The following CUX2 variants were observed in gnomAD, a reference collection of about 807,000 sequenced individuals.
The protein encoded by CUX2 is homeobox protein cut-like 2.
Under a neutral mutation model 144.8 loss-of-function variants are expected in CUX2, and 40 were observed. The observed-to-expected ratio is 0.28, with a 90% CI of 0.21 to 0.36. CUX2 has a LOEUF of 0.36. Ranked by LOEUF, CUX2 falls within the 10% of genes least tolerant of loss-of-function variation. The pLI is 1.00. For synonymous variants in CUX2, 827 were observed against 875.6 expected (o/e 0.94, Z 0.98); for missense variants, 1,615 against 1,994.0 (o/e 0.81, Z 3.62).
intron 1 of CUX2, among the ~76,000 whole-genome samples, chr12:111,207,801 T>C (rs1430389984): frequency 6.6e-6 from 1 of 152,010 alleles, no homozygotes; most frequent in Non-Finnish European, 1.5e-5. Context: ...GTAGCAAATA[T>C]CAGAAAGAGT....
chr12:111,042,333 C>T (rs969892915), intron 1 of CUX2, among the ~76,000 whole-genome samples: 2 of 152,206 alleles, frequency 1.3e-5, no homozygotes, highest in Admixed American at 1.3e-4. Flanking sequence ...TGAGTGGGGC[C>T]ATCACTCCTA....
chr12:111,136,300 C>T (rs999415391), intron 1 of CUX2, among the ~76,000 whole-genome samples: 3 of 151,980 alleles, frequency 2.0e-5, no homozygotes, highest in South Asian at 2.1e-4. Flanking sequence ...AGAGAGAGAG[C>T]GGAGTCCACA....
At chr12:111,165,192 A>G (rs1344858871) in intron 1 of CUX2, among the ~76,000 whole-genome samples, 1 of 152,180 alleles carries the variant, frequency 6.6e-6, no homozygotes, top group Non-Finnish European at 1.5e-5. Flanking sequence ...GGTGGAGGCT[A>G]TGATCCTATA....
chr12:111,216,451 T>A (rs1006122071), intron 2 of CUX2, among the ~76,000 whole-genome samples: 13 of 152,192 alleles, frequency 8.5e-5, no homozygotes, highest in Non-Finnish European at 1.5e-5. Flanking sequence ...TTACGGTGGG[T>A]TGCCAATATT....
chr12:111,197,145 C>A (rs1048272514), intron 1 of CUX2, among the ~76,000 whole-genome samples: 4 of 152,186 alleles, frequency 2.6e-5, no homozygotes, highest in Non-Finnish European at 5.9e-5. Flanking sequence ...GACCTATTCC[C>A]TCCTAGCCTC....
intron 3 of CUX2, among the ~76,000 whole-genome samples, chr12:111,250,010 C>T (rs1253850880): frequency 6.6e-6 from 1 of 152,146 alleles, no homozygotes; most frequent in Non-Finnish European, 1.5e-5. Flanking sequence ...TGCATGATGT[C>T]ATGTACCCAC....
At chr12:111,187,637 G>A (rs1879629068) in intron 1 of CUX2, among the ~76,000 whole-genome samples, 1 of 152,242 alleles carries the variant, frequency 6.6e-6, no homozygotes, top group Admixed American at 6.5e-5. Context: ...GGTGCCTGGA[G>A]TTGGCCTGTC....
Position 111,307,546 on chromosome 12 carries a change from T to A in CUX2, c.1109+289T>A, listed in dbSNP as rs1405045201. Among the ~76,000 whole-genome samples, 1 of 152,000 alleles carries A rather than the reference T, an allele frequency of 6.6e-6. No individual in the cohort carries two copies. Among genetic ancestry groups the A allele is most frequent in the Non-Finnish European group, 1.5e-5 (1 of 67,988 alleles). On this transcript the variant is annotated intron_variant, in intron 12 of 21. Transcript: ENST00000261726. This position sits in a 1 kb window ranked among gnomAD's most constrained non-coding sequence, Gnocchi z 4.1. ...CTCTGTGAGAAAAAAACAATTTTAA[T>A]TAGCCAGGAGTGGTGGTGATGCGTG...
At chr12:111,088,818 G>A (rs1237779760) in intron 1 of CUX2, among the ~76,000 whole-genome samples, 1 of 152,162 alleles carries the variant, frequency 6.6e-6, no homozygotes, top group African/African-American at 2.4e-5. Context: ...CTCACCTGTC[G>A]TGCATGGACA....
At chr12:111,115,232 T>C (rs1874214341) in intron 1 of CUX2, among the ~76,000 whole-genome samples, 1 of 152,002 alleles carries the variant, frequency 6.6e-6, no homozygotes, top group Non-Finnish European at 1.5e-5. Context: ...GGTATTTTGA[T>C]TGACATTGCG....
chr12:111,306,435 G>T (rs1450559600), intron 10 of CUX2, among the ~76,000 whole-genome samples: 3 of 151,886 alleles, frequency 2.0e-5, no homozygotes, highest in Admixed American at 6.6e-5. Context: ...CAGGACAGAG[G>T]GTCCATTTCC....
At chr12:111,309,741 A>ATC (rs144676885) in intron 14 of CUX2, among the ~76,000 whole-genome samples, 11 of 111,024 alleles carry the variant, frequency 9.9e-5, no homozygotes, top group African/African-American at 1.7e-4. Flanking sequence ...TTGTCTCTTT[A>ATC]TCTCTCTCTC....
chr12:111,179,782 T>A (rs1387692415), intron 1 of CUX2, among the ~76,000 whole-genome samples: 1 of 151,744 alleles, frequency 6.6e-6, no homozygotes, highest in African/African-American at 2.4e-5. Context: ...GTTCAAGTGG[T>A]TCTCCTGCCT....
At chr12:111,152,597 T>A (rs1258226333) in intron 1 of CUX2, among the ~76,000 whole-genome samples, 1 of 152,242 alleles carries the variant, frequency 6.6e-6, no homozygotes, top group Admixed American at 6.5e-5. Context: ...AAACTAAATA[T>A]GACTGTGTGC....
chr12:111,243,534 C>T (rs764637729), intron 3 of CUX2, among the ~76,000 whole-genome samples: 6 of 114,610 alleles, frequency 5.2e-5, no homozygotes, highest in Non-Finnish European at 8.2e-5. Context: ...GACAGGGTCT[C>T]GCTCTGTTGC....
chr12:111,345,027 C>T (rs1432145024), intron 21 of CUX2, among the ~76,000 whole-genome samples: 1 of 152,014 alleles, frequency 6.6e-6, no homozygotes, highest in Non-Finnish European at 1.5e-5. Context: ...CCTTGGCCTC[C>T]CAAAGTGCTG....
rs1565875258 is a variant in CUX2 at position 111,255,543 on chromosome 12, GC to G, written c.223-8213del. Among the ~76,000 whole-genome samples the G allele has an allele frequency of 1.3e-5, 2 of 152,090 alleles. No individual in the cohort carries two copies. The highest frequency in any genetic ancestry group is 2.9e-5 in the Non-Finnish European group (2 of 68,028). On this transcript the variant is annotated intron_variant, in intron 3 of 21. Coordinates refer to ENST00000261726, the MANE Select transcript of CUX2 (RefSeq NM_015267.4). The surrounding 1 kb of genome is among the most constrained non-coding windows in gnomAD (Gnocchi z 4.1). ...TTGGTTATTCCAGGTGCTTCCACCAGCCCCCAACCAAAGAATCGATTCTGAG... is the reference window on the plus strand; with the variant it reads ...TTGGTTATTCCAGGTGCTTCCACCAGCCCCAACCAAAGAATCGATTCTGAG...
rs1888982621 is a variant in CUX2 at position 111,349,890 on chromosome 12, A to G, written c.*1565A>G. ...GGGTGAGATGGCCGATGGAGGTTTCAAAGATGTAGCTAGCATTTTGAAACC... is the reference window on the plus strand; with the variant it reads ...GGGTGAGATGGCCGATGGAGGTTTCGAAGATGTAGCTAGCATTTTGAAACC... On this transcript the variant is annotated 3_prime_UTR_variant, in exon 22 of 22. Transcript: ENST00000261726. The G allele has an allele frequency of 6.6e-6, 1 of 152,248 alleles. No individual in the cohort carries two copies. The highest frequency in any genetic ancestry group is 2.4e-5 in the African/African-American group (1 of 41,418). 9.4% of individuals were successfully genotyped at this position (152,248 alleles called of 1,614,324 possible). A position where few individuals can be genotyped will look rare whatever the true frequency, so the allele number is the denominator to read the frequency against.
intron 3 of CUX2, among the ~76,000 whole-genome samples, chr12:111,239,211 C>T (rs1165563861): frequency 6.6e-6 from 1 of 152,110 alleles, no homozygotes; most frequent in African/African-American, 2.4e-5. Context: ...AGGCTAGGGA[C>T]ACTTTGACAG....
Sources: gnomAD v4.1 joint callset for allele counts (sites outside exome capture counted in the v4.1 genomes callset) on GRCh38, gnomAD v4.1.1 for gene constraint, Gnocchi (gnomAD v3.1) non-coding constraint, MANE v1.5 for transcripts, NCBI Gene and HGNC (gene_info 2026-07-23, HGNC 2026-07-21) for gene names.